Variants in EPHX2 observed in about 807,000 individuals in gnomAD.
EPHX2 encodes the protein epoxide hydrolase 2.
EPHX2 carries 74 observed loss-of-function variants against 78.7 expected under a neutral mutation model. The observed-to-expected ratio is 0.94, with a 90% CI of 0.78 to 1.14. EPHX2 has a LOEUF of 1.14. EPHX2 is among the 50% of genes most tolerant of loss of function. The pLI is 0.00. For synonymous variants in EPHX2, 251 were observed against 255.2 expected, an observed-to-expected ratio of 0.98 and a Z score of 0.16; for missense variants, 715 against 702.5, an observed-to-expected ratio of 1.02 and a Z score of -0.20.
At chr8:27,515,859 G>A (rs760361335) in intron 7 of EPHX2, 46 bp downstream of exon 7, 14 of 1,531,944 alleles carry the variant, frequency 9.1e-6, no homozygotes, top group Non-Finnish European at 1.3e-5. Context: ...GAGGTTGGGG[G>A]AGTCTAGATG....
At chr8:27,492,245 A>T (rs1813406089) in intron 1 of EPHX2, among the ~76,000 whole-genome samples, 2 of 152,202 alleles carry the variant, frequency 1.3e-5, no homozygotes, top group African/African-American at 4.8e-5. Context: ...CTTGAGGGAA[A>T]GGCATGTAAT....
intron 12 of EPHX2, among the ~76,000 whole-genome samples, chr8:27,532,939 C>T (rs1463155748): frequency 6.6e-6 from 1 of 152,026 alleles, no homozygotes; most frequent in Non-Finnish European, 1.5e-5. Context: ...ATAGCCAGAC[C>T]CCGTCTCTAC....
downstream of EPHX2, among the ~76,000 whole-genome samples, chr8:27,546,881 C>T (rs547957452): frequency 3.3e-5 from 5 of 152,272 alleles, no homozygotes; most frequent in South Asian, 2.1e-4. Flanking sequence ...AATTGGCTCA[C>T]GGTTCTGCAG....
At chr8:27,519,001 G>T (rs1814555557) in intron 9 of EPHX2, among the ~76,000 whole-genome samples, 2 of 152,168 alleles carry the variant, frequency 1.3e-5, no homozygotes, top group South Asian at 4.1e-4. Context: ...GGGACATTGG[G>T]TCACTTAGGA....
chr8:27,525,797 A>G (rs1326287682), intron 12 of EPHX2, among the ~76,000 whole-genome samples: 3 of 152,168 alleles, frequency 2.0e-5, no homozygotes, highest in Middle Eastern at 3.2e-3. Flanking sequence ...TCTGGCTGAA[A>G]GGCTGGTGAT....
chr8:27,519,058 G>A (rs1002190233), intron 9 of EPHX2, among the ~76,000 whole-genome samples: 1 of 152,136 alleles, frequency 6.6e-6, no homozygotes, highest in African/African-American at 2.4e-5. Context: ...CAAACAAGAT[G>A]GTGCTCCCAT....
chr8:27,530,282 T>C (rs1487928257), intron 12 of EPHX2, among the ~76,000 whole-genome samples: 1 of 152,202 alleles, frequency 6.6e-6, no homozygotes, highest in Non-Finnish European at 1.5e-5. Flanking sequence ...TTTTAGGTTT[T>C]GTTTTTGTTT....
chr8:27,510,322 G>T (rs17057288), intron 5 of EPHX2, among the ~76,000 whole-genome samples: 1 of 152,074 alleles, frequency 6.6e-6, no homozygotes, highest in African/African-American at 2.4e-5. Context: ...ATTCACATAC[G>T]TGTCCTCAGT....
At chr8:27,528,620 G>T (rs1191522071) in intron 12 of EPHX2, among the ~76,000 whole-genome samples, 1 of 152,238 alleles carries the variant, frequency 6.6e-6, no homozygotes, top group East Asian at 1.9e-4. Context: ...ATGTATAGTG[G>T]GTGCTGGGAG....
At chr8:27,530,192 G>A (rs1365034820) in intron 12 of EPHX2, among the ~76,000 whole-genome samples, 1 of 152,134 alleles carries the variant, frequency 6.6e-6, no homozygotes, top group African/African-American at 2.4e-5. Flanking sequence ...CAGCCTAAAT[G>A]TTGAATCTTT....
At chr8:27,515,560 C>T (rs1362359676) in intron 6 of EPHX2, 158 bp from the exon 7 acceptor site, 2 of 620,282 alleles carry the variant, frequency 3.2e-6, no homozygotes, top group Non-Finnish European at 5.6e-6. Context: ...CTCTTCTCAG[C>T]CATTTTCATG....
At chr8:27,542,354 C>T (rs997902671) in intron 16 of EPHX2, among the ~76,000 whole-genome samples, 1 of 152,184 alleles carries the variant, frequency 6.6e-6, no homozygotes, top group Non-Finnish European at 1.5e-5. Flanking sequence ...GGGAAAGGTA[C>T]TTAACCCCTC....
intron 14 of EPHX2, 131 bp from the exon 15 acceptor site, chr8:27,540,423 A>G: frequency 2.8e-6 from 2 of 703,906 alleles, no homozygotes; most frequent in Non-Finnish European, 5.0e-6. Flanking sequence ...AGGATAAGGG[A>G]ACAAAAGATG....
chr8:27,500,860 G>A, intron 1 of EPHX2, 66 bp from the exon 2 acceptor site: 2 of 1,402,278 alleles, frequency 1.4e-6, no homozygotes, highest in South Asian at 1.2e-5. Context: ...TATGAACAGT[G>A]TCTGTTTCCA....
chr8:27,509,576 T>C (rs142053494), intron 5 of EPHX2, among the ~76,000 whole-genome samples: 1,926 of 152,238 alleles, frequency 0.013, 44 homozygotes, highest in African/African-American at 0.044. Flanking sequence ...GTATTTTTAG[T>C]AGAGACAGGA....
chr8:27,492,466 G>A (rs1473962504), intron 1 of EPHX2, among the ~76,000 whole-genome samples: 1 of 152,210 alleles, frequency 6.6e-6, no homozygotes. Context: ...GTCCAGAGTT[G>A]GTTCCTGTCG....
chr8:27,542,994 C>T (rs1460828100), intron 16 of EPHX2, among the ~76,000 whole-genome samples: 1 of 144,990 alleles, frequency 6.9e-6, no homozygotes, highest in Non-Finnish European at 1.5e-5. Context: ...CACCTCCTCC[C>T]ATCCCATCCT....
chr8:27,508,562 C>A (rs1255827842), intron 5 of EPHX2, among the ~76,000 whole-genome samples: 2 of 152,192 alleles, frequency 1.3e-5, no homozygotes, highest in Non-Finnish European at 2.9e-5. Context: ...GTGCCCCTGG[C>A]TAGGTCTGTC....
chr8:27,533,674 A>C (rs7008207), intron 12 of EPHX2, among the ~76,000 whole-genome samples: 35,245 of 152,006 alleles, frequency 0.23, 4,984 homozygotes, highest in African/African-American at 0.41. Context: ...TGCATTCTTG[A>C]CTTCCTGGGC....
Sources: allele counts gnomAD v4.1 joint callset (sites outside exome capture counted in the v4.1 genomes callset), GRCh38; gene constraint gnomAD v4.1.1; transcripts MANE v1.5; gene names NCBI Gene and HGNC (gene_info 2026-07-23, HGNC 2026-07-21).